Variants in MMP11 observed in about 807,000 individuals in gnomAD.
MMP11 encodes the protein matrix metallopeptidase 11, also known as stromelysin-3.
A neutral mutation model predicts 49.5 loss-of-function variants in MMP11; 26 were observed. That is an observed-to-expected ratio of 0.52 (90% CI 0.38 to 0.73). The LOEUF (loss-of-function observed/expected upper bound fraction) is 0.73, where lower values mean the gene tolerates loss of function less well. Ranked by LOEUF, MMP11 falls within the 30% of genes least tolerant of loss-of-function variation. The probability of loss-of-function intolerance (pLI) is 0.00; values close to 1 mark genes in which losing one functional copy is unlikely to be tolerated. For synonymous variants in MMP11, 265 were observed against 282.3 expected, an observed-to-expected ratio of 0.94 and a Z score of 0.62; for missense variants, 624 against 671.2, an observed-to-expected ratio of 0.93 and a Z score of 0.78.
chr22:23,774,080 C>T (rs572399334), intron 1 of MMP11, among the ~76,000 whole-genome samples: 8 of 152,314 alleles, frequency 5.3e-5, no homozygotes, highest in Admixed American at 2.6e-4. Flanking sequence ...AGTCAGGAAT[C>T]ACTGTGGGTA....
chr22:23,780,426 G>A lies in MMP11; in HGVS notation c.406G>A (p.Val136Ile). 3 of 1,614,042 alleles carry A rather than the reference G, an allele frequency of 1.9e-6. No homozygotes were observed. The highest frequency in any genetic ancestry group is 2.5e-6 in the Non-Finnish European group (3 of 1,180,032). Reference protein sequence around the residue: ...VRQTMAEALKVWSDVTPLTFT... With the variant: ...VRQTMAEALKIWSDVTPLTFT... Reference sequence around the variant, plus strand: ...GCAGACGATGGCAGAGGCCCTAAAGGTATGGAGCGATGTGACGCCACTCAC... The same window carrying A: ...GCAGACGATGGCAGAGGCCCTAAAGATATGGAGCGATGTGACGCCACTCAC... The change falls in exon 3 of 8, where the codon GTA becomes ATA. Residue 136 changes from valine to isoleucine, a missense_variant. Coordinates refer to ENST00000215743, the MANE Select transcript of MMP11 (RefSeq NM_005940.5). This position sits in a 1 kb window ranked among gnomAD's most constrained non-coding sequence, Gnocchi z 4.6.
At chr22:23,779,587 C>G (rs1927542023) in intron 2 of MMP11, 171 bp downstream of exon 2, 4 of 619,330 alleles carry the variant, frequency 6.5e-6, no homozygotes, top group Non-Finnish European at 1.1e-5. Context: ...CCCTGAAACC[C>G]CAACTTAGAC....
In MMP11 at chr22:23,780,555, A is replaced by T. The variant is rs1927580402; in HGVS notation, c.483-27A>T. 6.2e-7 allele frequency: 1 copy of T among 1,611,810 alleles called. No individual in the cohort carries two copies. Among genetic ancestry groups the T allele is most frequent in the Non-Finnish European group, 8.5e-7 (1 of 1,178,952 alleles). Reference sequence around the variant, plus strand: ...GGAACAGCCTCGCCTGCCAGCAGCCACTGACCCCGCCCCCACCCATCTGTA... The same window carrying T: ...GGAACAGCCTCGCCTGCCAGCAGCCTCTGACCCCGCCCCCACCCATCTGTA... On this transcript the variant is annotated intron_variant, in intron 3 of 7. Coordinates refer to ENST00000215743, the MANE Select transcript of MMP11 (RefSeq NM_005940.5). The surrounding 1 kb of genome is among the most constrained non-coding windows in gnomAD (Gnocchi z 4.6).
At chr22:23,774,492 A>G (rs1350202038) in intron 1 of MMP11, among the ~76,000 whole-genome samples, 1 of 152,118 alleles carries the variant, frequency 6.6e-6, no homozygotes, top group Non-Finnish European at 1.5e-5. Flanking sequence ...CCCAGCTTTC[A>G]GGGTTGATGG....
chr22:23,773,661 G>A (rs1055197309), intron 1 of MMP11, among the ~76,000 whole-genome samples: 7 of 152,172 alleles, frequency 4.6e-5, no homozygotes, highest in Non-Finnish European at 7.4e-5. Flanking sequence ...AGGTAAGAGA[G>A]GACAGCAGAG....
chr22:23,779,104 T>A (rs1286631235), intron 1 of MMP11, 83 bp from the exon 2 acceptor site: 7 of 1,133,408 alleles, frequency 6.2e-6, no homozygotes, highest in Admixed American at 4.5e-5. Context: ...GTTGCACGTG[T>A]GTTTGCTGAC....
At position 23,780,968 on chromosome 22, in the gene MMP11, A is replaced by C; in HGVS notation, c.726A>C (p.Pro242=). ...LMSAFYTFRY[P]LSLSPDDCRG... The stretch of plus-strand genomic sequence containing the variant: ...CCGCCTTCTACACCTTTCGCTACCC[A>C]CTGAGTCTCAGCCCAGATGACTGCA... Residue 242 remains proline, a synonymous_variant, in exon 5 of 8, where the codon CCA becomes CCC. Transcript: ENST00000215743. This position sits in a 1 kb window ranked among gnomAD's most constrained non-coding sequence, Gnocchi z 4.6. The C allele has an allele frequency of 6.2e-7, 1 of 1,613,714 alleles. No individual in the cohort carries two copies. The highest frequency in any genetic ancestry group is 8.5e-7 in the Non-Finnish European group (1 of 1,179,980).
In MMP11 at chr22:23,781,313, G is replaced by A. The variant is rs757201475; in HGVS notation, c.979G>A (p.Gly327Ser). The change falls in exon 6 of 8, where the codon GGC (glycine) becomes AGC (serine). Residue 327 changes from glycine to serine, a missense_variant. By Grantham distance (56) the Gly-to-Ser change is moderately conservative. Coordinates refer to ENST00000215743, the MANE Select transcript of MMP11 (RefSeq NM_005940.5). Reference sequence around the variant, plus strand: ...CCTCCGTGGGGGCCAGCTGCAGCCCGGCTACCCAGCATTGGCCTCTCGCCA... The same window carrying A: ...CCTCCGTGGGGGCCAGCTGCAGCCCAGCTACCCAGCATTGGCCTCTCGCCA... Reference protein sequence around the residue: ...WRLRGGQLQPGYPALASRHWQ... With the variant: ...WRLRGGQLQPSYPALASRHWQ... 8.7e-6 allele frequency: 14 copies of A among 1,613,086 alleles called. No individual in the cohort carries two copies. The highest frequency in any genetic ancestry group is 2.2e-5 in the East Asian group (1 of 44,864).
Position 23,782,493 on chromosome 22 carries a change from G to T in MMP11, c.1333+10G>T. The T allele has an allele frequency of 6.3e-7, 1 of 1,597,814 alleles. No individual in the cohort carries two copies. On this transcript the variant is annotated intron_variant, in intron 7 of 7. Transcript: ENST00000215743. ...TTCCAGGATGCTGATGGTGCGTTGG[G>T]GGTGAGGCAGCTGGTGGGAGGTGGG...
chr22:23,783,445 G>A lies in MMP11; in HGVS notation c.1368G>A (p.Trp456Ter), dbSNP rs956138440. Residue 456 changes from tryptophan (W) to a stop codon, truncating the protein, a stop_gained, in exon 8 of 8, where the codon TGG becomes TGA. Transcript: ENST00000215743. LOFTEE classifies it high-confidence loss of function. Reference sequence around the variant, plus strand: ...ACTTCCTGCGCGGCCGCCTCTACTGGAAGTTTGACCCTGTGAAGGTGAAGG... The same window carrying A: ...ACTTCCTGCGCGGCCGCCTCTACTGAAAGTTTGACCCTGTGAAGGTGAAGG... ...YAYFLRGRLY[W>*]KFDPVKVKAL... The A allele has an allele frequency of 6.2e-7, 1 of 1,614,194 alleles. No homozygotes were observed. Among genetic ancestry groups the A allele is most frequent in the Non-Finnish European group, 8.5e-7 (1 of 1,180,036 alleles).
At chr22:23,773,246 C>G (rs1927298441) in intron 1 of MMP11, among the ~76,000 whole-genome samples, 1 of 152,160 alleles carries the variant, frequency 6.6e-6, no homozygotes, top group Non-Finnish European at 1.5e-5. Context: ...GGGGACCTGC[C>G]TCTCGCGCTC....
chr22:23,779,350 C>A lies in MMP11; in HGVS notation c.272C>A (p.Ala91Asp). The A allele has an allele frequency of 6.2e-7, 1 of 1,613,102 alleles. No homozygotes were observed. Among genetic ancestry groups the A allele is most frequent in the Non-Finnish European group, 8.5e-7 (1 of 1,179,928 alleles). The change falls in exon 2 of 8, where the codon GCC becomes GAC. Residue 91 changes from alanine to aspartate, a missense_variant. By Grantham distance (126) the Ala-to-Asp change is moderately radical. Coordinates refer to ENST00000215743, the MANE Select transcript of MMP11 (RefSeq NM_005940.5). ...CCCGACCCATCTGATGGGCTGAGTGCCCGCAACCGACAGAAGAGGTTCGTG... is the reference window on the plus strand; with the variant it reads ...CCCGACCCATCTGATGGGCTGAGTGACCGCAACCGACAGAAGAGGTTCGTG... ...GVPDPSDGLS[A>D]RNRQKRFVLS...
chr22:23,780,138 A>C lies in MMP11; in HGVS notation c.339-221A>C. On this transcript the variant is annotated intron_variant, in intron 2 of 7. Transcript: ENST00000215743. This position sits in a 1 kb window ranked among gnomAD's most constrained non-coding sequence, Gnocchi z 4.6. ...GGGACCCCTGGTCCTGGTTCTTTCC[A>C]CTGAATTCAGACACTTGTATTTGCC... The C allele has an allele frequency of 1.7e-6, 1 of 599,018 alleles. No individual in the cohort carries two copies. Among genetic ancestry groups the C allele is most frequent in the South Asian group, 2.1e-5 (1 of 47,180 alleles). The allele number at this position is 599,018 out of a possible 1,614,324, so 37.1% of individuals were successfully genotyped here.
At chr22:23,779,465 G>A (rs763869680) in intron 2 of MMP11, 49 bp downstream of exon 2, 5 of 1,498,670 alleles carry the variant, frequency 3.3e-6, no homozygotes, top group African/African-American at 1.4e-5. Context: ...GTGTCCGTGG[G>A]TAAGCCAGCT....
intron 1 of MMP11, among the ~76,000 whole-genome samples, chr22:23,776,550 G>A (rs1927416788): frequency 6.6e-6 from 1 of 152,214 alleles, no homozygotes; most frequent in Non-Finnish European, 1.5e-5. Context: ...GGCCAGCCTG[G>A]GTCCCTCCTT....
At chr22:23,774,910 G>A (rs1267710210) in intron 1 of MMP11, among the ~76,000 whole-genome samples, 1 of 152,172 alleles carries the variant, frequency 6.6e-6, no homozygotes. Context: ...CCCCAGGGCG[G>A]GGTTGACTCC....
rs772372920 is a variant in MMP11 at position 23,781,244 on chromosome 22, A to G, written c.910A>G (p.Ile304Val). The change falls in exon 6 of 8, where the codon ATC (isoleucine) becomes GTC (valine). Residue 304 changes from isoleucine to valine, a missense_variant. By Grantham distance (29) the Ile-to-Val change is conservative. Coordinates refer to ENST00000215743, the MANE Select transcript of MMP11 (RefSeq NM_005940.5). ...GGCCTCCTTTGACGCGGTCTCCACCATCCGAGGCGAGCTCTTTTTCTTCAA... is the reference window on the plus strand; with the variant it reads ...GGCCTCCTTTGACGCGGTCTCCACCGTCCGAGGCGAGCTCTTTTTCTTCAA... ...CEASFDAVST[I>V]RGELFFFKAG... 6 of 1,611,446 alleles carry G rather than the reference A, an allele frequency of 3.7e-6. No homozygotes were observed. In the East Asian group the frequency reaches 1.1e-4, roughly 30 times the overall value.
intron 1 of MMP11, 48 bp from the exon 2 acceptor site, chr22:23,779,139 A>G (rs770465578): frequency 1.1e-4 from 153 of 1,428,734 alleles, no homozygotes; most frequent in Non-Finnish European, 1.4e-4. Context: ...ACTGTGGGCC[A>G]TGTGGACCTT....
In MMP11 at chr22:23,780,934, C is replaced by T. The variant is rs1468516725; in HGVS notation, c.692C>T (p.Ala231Val). Reference sequence around the variant, plus strand: ...CTGCAGCACACAACAGCAGCCAAGGCCCTGATGTCCGCCTTCTACACCTTT... The same window carrying T: ...CTGCAGCACACAACAGCAGCCAAGGTCCTGATGTCCGCCTTCTACACCTTT... ...LGLQHTTAAK[A>V]LMSAFYTFRY... Residue 231 changes from alanine to valine, a missense_variant, in exon 5 of 8, where the codon GCC becomes GTC. Coordinates refer to ENST00000215743, the MANE Select transcript of MMP11 (RefSeq NM_005940.5). This position sits in a 1 kb window ranked among gnomAD's most constrained non-coding sequence, Gnocchi z 4.6. The T allele has an allele frequency of 8.7e-6, 14 of 1,613,954 alleles. No homozygotes were observed. The highest frequency in any genetic ancestry group is 1.2e-5 in the Non-Finnish European group (14 of 1,180,022).
Sources: allele counts gnomAD v4.1 joint callset (sites outside exome capture counted in the v4.1 genomes callset), GRCh38; gene constraint gnomAD v4.1.1; non-coding constraint Gnocchi (gnomAD v3.1); transcripts MANE v1.5; gene names NCBI Gene and HGNC (gene_info 2026-07-23, HGNC 2026-07-21).